The following CDH18 variants were observed in gnomAD, a reference collection of about 807,000 sequenced individuals.
CDH18 encodes cadherin 18.
A neutral mutation model predicts 67.9 loss-of-function variants in CDH18; 31 were observed. That is an observed-to-expected ratio of 0.46 (90% confidence interval 0.34 to 0.62). The LOEUF (loss-of-function observed/expected upper bound fraction) is 0.62. Ranked by LOEUF, CDH18 falls within the 20% of genes least tolerant of loss-of-function variation. The pLI is 0.01. For synonymous variants in CDH18, 362 were observed against 347.2 expected, an observed-to-expected ratio of 1.04 and a Z score of -0.48; for missense variants, 890 against 975.5, an observed-to-expected ratio of 0.91 and a Z score of 1.17.
chr5:19,476,678 C>T (rs981439929), intron 12 of CDH18, among the ~76,000 whole-genome samples: 2 of 151,954 alleles, frequency 1.3e-5, no homozygotes, highest in South Asian at 2.1e-4. Context: ...TAAAGACTGC[C>T]TAATTTATTA....
chr5:20,501,893 TACACACAC>T (rs61655025), intron 1 of CDH18, among the ~76,000 whole-genome samples: 11 of 145,130 alleles, frequency 7.6e-5, no homozygotes, highest in East Asian at 4.2e-4. Flanking sequence ...AATACTTCCT[TACACACAC>T]ACACACACAC....
upstream of CDH18, among the ~76,000 whole-genome samples, chr5:19,992,627 T>C (rs560137015): frequency 1.3e-5 from 2 of 152,300 alleles, no homozygotes; most frequent in South Asian, 2.1e-4. Context: ...AGATGACTTA[T>C]TAAAGCGATG....
intron 4 of CDH18, among the ~76,000 whole-genome samples, chr5:19,734,560 C>G (rs1332881313): frequency 1.3e-5 from 2 of 151,958 alleles, no homozygotes; most frequent in Admixed American, 1.3e-4. Context: ...TCGGATTGCA[C>G]AGATTAAAAA....
intron 1 of CDH18, chr5:20,304,016 G>C: frequency 8.0e-7 from 1 of 1,250,966 alleles, no homozygotes; most frequent in Non-Finnish European, 1.2e-6. Flanking sequence ...CAGCAACTTG[G>C]CAATAATTCC....
chr5:19,773,336 T>C (rs958980047), intron 3 of CDH18, among the ~76,000 whole-genome samples: 1 of 152,118 alleles, frequency 6.6e-6, no homozygotes, highest in African/African-American at 2.4e-5. Context: ...AAAAGATATA[T>C]CCATGCAATT....
chr5:19,572,328 C>T (rs746840929), intron 7 of CDH18, among the ~76,000 whole-genome samples: 38 of 152,188 alleles, frequency 2.5e-4, no homozygotes, highest in Non-Finnish European at 4.4e-4. Flanking sequence ...TGATGCTGGT[C>T]TTCCTGTTAA....
intron 6 of CDH18, among the ~76,000 whole-genome samples, chr5:19,606,270 G>A (rs1355785049): frequency 1.3e-5 from 2 of 152,046 alleles, no homozygotes; most frequent in Non-Finnish European, 1.5e-5. Context: ...ACTCCTTTAT[G>A]TAATGTTCAA....
intron 1 of CDH18, among the ~76,000 whole-genome samples, chr5:20,343,840 G>A (rs908258111): frequency 2.7e-4 from 41 of 151,992 alleles, no homozygotes; most frequent in African/African-American, 9.7e-4. Flanking sequence ...ATTGACAAAC[G>A]AGTATCCTCA....
chr5:19,881,635 C>G (rs530433820), intron 2 of CDH18, among the ~76,000 whole-genome samples: 1 of 151,402 alleles, frequency 6.6e-6, no homozygotes, highest in Non-Finnish European at 1.5e-5. Context: ...CAGCCTTCCA[C>G]GTACCTGATT....
At chr5:20,087,334 T>TA (rs998915264) in intron 2 of CDH18, among the ~76,000 whole-genome samples, 7 of 151,782 alleles carry the variant, frequency 4.6e-5, no homozygotes, top group Non-Finnish European at 7.4e-5. Flanking sequence ...GTTTAAATAT[T>TA]AAAAAAAAGA....
chr5:20,407,102 G>A (rs1746334814), intron 1 of CDH18, among the ~76,000 whole-genome samples: 1 of 152,092 alleles, frequency 6.6e-6, no homozygotes, highest in Admixed American at 6.6e-5. Flanking sequence ...AGACCCCCAG[G>A]TATTTAAAAG....
At position 19,909,301 on chromosome 5, in the gene CDH18, T is replaced by A. The variant is rs1203876741; in HGVS notation, c.-256-70059A>T. On this transcript the variant is annotated intron_variant, in intron 2 of 12. Transcript: ENST00000382275. Reference sequence around the variant, plus strand: ...ACGCAAGTAAAGTGGTTTCCTTCACTTTTTTTTTTTTTTTTTTGAGATGGG... The same window carrying A: ...ACGCAAGTAAAGTGGTTTCCTTCACATTTTTTTTTTTTTTTTTGAGATGGG... Among the ~76,000 whole-genome samples the A allele has an allele frequency of 2.3e-4, 4 of 17,378 alleles. No individual in the cohort carries two copies. The East Asian group carries it at 5.0e-3, about 22-fold the overall frequency. The allele number at this position is 17,378 out of a possible 152,430, so 11.4% of individuals were successfully genotyped here.
intron 1 of CDH18, among the ~76,000 whole-genome samples, chr5:20,265,710 A>C (rs1307782757): frequency 1.3e-5 from 2 of 152,234 alleles, no homozygotes; most frequent in African/African-American, 4.8e-5. Flanking sequence ...AGATTTTTAC[A>C]TTGCTAGAGC....
intron 6 of CDH18, among the ~76,000 whole-genome samples, chr5:19,600,638 C>A (rs1260916161): frequency 6.6e-6 from 1 of 151,066 alleles, no homozygotes. Context: ...GAAGGTCTGT[C>A]CATTCTTGGC....
intron 1 of CDH18, among the ~76,000 whole-genome samples, chr5:20,493,442 A>T (rs1753713756): frequency 1.3e-5 from 2 of 151,752 alleles, no homozygotes; most frequent in Non-Finnish European, 2.9e-5. Flanking sequence ...GTGGAAATAA[A>T]CAAAGGCCAC....
chr5:20,039,221 C>T (rs534111126), intron 2 of CDH18, among the ~76,000 whole-genome samples: 30 of 152,270 alleles, frequency 2.0e-4, no homozygotes, highest in Non-Finnish European at 4.1e-4. Context: ...AAAAACATTC[C>T]ATGTTCATGG....
intron 5 of CDH18, among the ~76,000 whole-genome samples, chr5:19,639,104 G>T (rs1349043357): frequency 6.7e-6 from 1 of 148,856 alleles, no homozygotes; most frequent in East Asian, 2.0e-4. Context: ...CTGGGCTCAC[G>T]CCATTCTCCT....
intron 5 of CDH18, among the ~76,000 whole-genome samples, chr5:19,659,995 T>C (rs1439303059): frequency 2.6e-5 from 4 of 152,132 alleles, no homozygotes; most frequent in African/African-American, 9.6e-5. Flanking sequence ...GAGAATCTTA[T>C]AACAAAATCA....
chr5:19,847,666 G>T (rs1055368960), intron 2 of CDH18, among the ~76,000 whole-genome samples: 3 of 151,764 alleles, frequency 2.0e-5, no homozygotes, highest in African/African-American at 7.3e-5. Context: ...CTTTGTGTTG[G>T]TATCTGCGTA....
Sources: gnomAD v4.1 joint callset for allele counts (sites outside exome capture counted in the v4.1 genomes callset) on GRCh38, gnomAD v4.1.1 for gene constraint, MANE v1.5 for transcripts, NCBI Gene and HGNC (gene_info 2026-07-23, HGNC 2026-07-21) for gene names.